TENM3: variants seen among roughly 807,000 people sequenced by gnomAD.
TENM3 encodes teneurin transmembrane protein 3.
TENM3 carries 63 observed loss-of-function variants against 255.1 expected under a neutral mutation model. That is an observed-to-expected ratio of 0.25 (90% confidence interval 0.20 to 0.30). The LOEUF (loss-of-function observed/expected upper bound fraction) is 0.30, where lower values mean the gene tolerates loss of function less well. TENM3 is among the 10% of genes least tolerant of loss of function. The probability of loss-of-function intolerance (pLI) is 1.00; values close to 1 mark genes in which losing one functional copy is unlikely to be tolerated. For synonymous variants in TENM3, 1,306 were observed against 1,322.3 expected (o/e 0.99, Z 0.27); for missense variants, 2,929 against 3,461.1 (o/e 0.85, Z 3.86).
chr4:182,449,321 T>C (rs1215796537), intron 3 of TENM3, among the ~76,000 whole-genome samples: 1 of 150,576 alleles, frequency 6.6e-6, no homozygotes. Context: ...TGAGATGAGG[T>C]GGCTTTTTAA....
chr4:181,845,100 A>G, the TENM3 span, among the ~76,000 whole-genome samples: 1 of 152,232 alleles, frequency 6.6e-6, no homozygotes, highest in African/African-American at 2.4e-5. Flanking sequence ...AAATTTGTAT[A>G]ATTAAAGACA....
the TENM3 span, among the ~76,000 whole-genome samples, chr4:181,678,451 G>A: frequency 6.6e-6 from 1 of 152,000 alleles, no homozygotes; most frequent in East Asian, 1.9e-4. Flanking sequence ...AAGAATTTAG[G>A]AGGCAATTTT....
chr4:181,893,956 A>T, the TENM3 span, among the ~76,000 whole-genome samples: 1 of 152,148 alleles, frequency 6.6e-6, no homozygotes. Flanking sequence ...ACAAACATCA[A>T]ACATAAGATG....
At chr4:181,616,399 A>G in the TENM3 span, among the ~76,000 whole-genome samples, 1 of 148,002 alleles carries the variant, frequency 6.8e-6, no homozygotes, top group East Asian at 2.0e-4. Context: ...GGATATATAT[A>G]TACCCCTATA....
chr4:182,476,058 T>C (rs1733659585), intron 3 of TENM3, among the ~76,000 whole-genome samples: 1 of 152,336 alleles, frequency 6.6e-6, no homozygotes, highest in South Asian at 2.1e-4. Flanking sequence ...ACCTCTTTGC[T>C]TTTTAAAAAT....
At position 182,796,742 on chromosome 4, in the gene TENM3, A is replaced by G. The variant is rs1001006053; in HGVS notation, c.7319A>G (p.Lys2440Arg). ...DLTEPSYELV[K>R]SQQWDDIPPI... ...ACAGAACCTTCTTACGAACTTGTGA[A>G]GAGTCAGCAGTGGGATGATATACCG... The change falls in exon 27 of 28, where the codon AAG becomes AGG. Residue 2440 changes from lysine (K) to arginine (R), a missense_variant. Coordinates refer to ENST00000511685, the MANE Select transcript of TENM3 (RefSeq NM_001080477.4). 28 of 1,610,216 alleles carry G rather than the reference A, an allele frequency of 1.7e-5. No individual in the cohort carries two copies. Among genetic ancestry groups the G allele is most frequent in the Non-Finnish European group, 2.1e-5 (25 of 1,178,110 alleles).
chr4:181,526,232 C>T, the TENM3 span, among the ~76,000 whole-genome samples: 1 of 151,276 alleles, frequency 6.6e-6, no homozygotes, highest in South Asian at 2.1e-4. Context: ...AATTTAATCA[C>T]TTTTGCTTTA....
chr4:182,801,626 A>G lies in TENM3; in HGVS notation c.*1275A>G, dbSNP rs1161291104. 1.3e-5 allele frequency: 2 copies of G among 152,280 alleles called. No homozygotes were observed. The highest frequency in any genetic ancestry group is 2.9e-5 in the Non-Finnish European group (2 of 68,072). The allele number at this position is 152,280 out of a possible 1,614,324, so 9.4% of individuals were successfully genotyped here. A position where few individuals can be genotyped will look rare whatever the true frequency, so the allele number is the denominator to read the frequency against. On this transcript the variant is annotated 3_prime_UTR_variant, in exon 28 of 28. Transcript: ENST00000511685. ...AAGGTTCTGATGTAGTCGTGATCCT[A>G]AACACGTGTCTTAAGATCTAGGAAA...
chr4:182,739,629 T>C (rs28723562), intron 18 of TENM3, among the ~76,000 whole-genome samples: 98,075 of 152,072 alleles, frequency 0.64, 31,992 homozygotes, highest in East Asian at 0.8. Flanking sequence ...TAATGTTGCT[T>C]CAGTGTTCAT....
intron 3 of TENM3, among the ~76,000 whole-genome samples, chr4:182,387,956 C>T (rs72699955): frequency 0.057 from 7,715 of 136,342 alleles, 222 homozygotes; most frequent in Middle Eastern, 0.11. Flanking sequence ...AAAAAAAAAC[C>T]AACAAACGAA....
At chr4:182,681,667 A>G (rs1054091862) in intron 10 of TENM3, 147 bp from the exon 11 acceptor site, 2 of 642,566 alleles carry the variant, frequency 3.1e-6, no homozygotes, top group Admixed American at 3.0e-5. Flanking sequence ...AATTCTTTGC[A>G]TTTTCAGAAA....
At chr4:182,338,894 T>C (rs1318068787) in intron 2 of TENM3, among the ~76,000 whole-genome samples, 1 of 152,182 alleles carries the variant, frequency 6.6e-6, no homozygotes, top group East Asian at 1.9e-4. Context: ...AAGACTGAGA[T>C]TTAGTTTAGT....
At chr4:181,486,649 C>T in the TENM3 span, among the ~76,000 whole-genome samples, 18 of 152,050 alleles carry the variant, frequency 1.2e-4, no homozygotes, top group East Asian at 5.8e-4. Flanking sequence ...AAGTTTATAG[C>T]GGCGCTATTT....
the TENM3 span, among the ~76,000 whole-genome samples, chr4:181,719,920 A>T: frequency 6.6e-6 from 1 of 152,168 alleles, no homozygotes; most frequent in Admixed American, 6.5e-5. Flanking sequence ...TTGGTATTCA[A>T]TTTCACAAAT....
chr4:182,599,034 A>T (rs74825593), intron 3 of TENM3, among the ~76,000 whole-genome samples: 11,662 of 152,044 alleles, frequency 0.077, 690 homozygotes, highest in Non-Finnish European at 0.11. Flanking sequence ...CCTTGGAAAC[A>T]TTTCTCCCTG....
At chr4:181,603,744 TAAAACCCGTTGG>T in the TENM3 span, among the ~76,000 whole-genome samples, 5 of 152,332 alleles carry the variant, frequency 3.3e-5, no homozygotes, top group East Asian at 9.6e-4. Context: ...TCAAAAATCT[TAAAACCCGTTGG>T]AAATAAAATC....
chr4:181,514,388 C>T, the TENM3 span, among the ~76,000 whole-genome samples: 1 of 152,126 alleles, frequency 6.6e-6, no homozygotes, highest in African/African-American at 2.4e-5. Flanking sequence ...ATATTCAGAG[C>T]ATTGAACTCT....
chr4:182,406,474 C>CA (rs1769589376), intron 3 of TENM3, among the ~76,000 whole-genome samples: 3 of 151,990 alleles, frequency 2.0e-5, no homozygotes. Flanking sequence ...TGTTAAAAAA[C>CA]AAAAAGCAAA....
chr4:182,324,167 T>C lies in TENM3; in HGVS notation c.147T>C (p.Ala49=). Residue 49 remains alanine, a synonymous_variant, in exon 2 of 28, where the codon GCT becomes GCC. Coordinates refer to ENST00000511685, the MANE Select transcript of TENM3 (RefSeq NM_001080477.4). The part of the protein sequence containing the change: ...KSYSSSETLK[A]FDHDSSRLLY... The stretch of plus-strand genomic sequence containing the variant: ...ACAGTTCCAGCGAGACATTGAAAGC[T>C]TTTGATCATGATTCCTCGCGGCTGC... 1 of 1,614,030 alleles carries C rather than the reference T, an allele frequency of 6.2e-7. No individual in the cohort carries two copies. Among genetic ancestry groups the C allele is most frequent in the Non-Finnish European group, 8.5e-7 (1 of 1,179,898 alleles).
Sources: gnomAD v4.1 joint callset for allele counts (sites outside exome capture counted in the v4.1 genomes callset) on GRCh38, gnomAD v4.1.1 for gene constraint, MANE v1.5 for transcripts, NCBI Gene and HGNC (gene_info 2026-07-23, HGNC 2026-07-21) for gene names.